The following KCTD8 variants were observed in gnomAD, a reference collection of about 807,000 sequenced individuals.
KCTD8 encodes BTB/POZ domain-containing protein KCTD8.
Under a neutral mutation model 31.5 loss-of-function variants are expected in KCTD8, and 27 were observed. The ratio of observed to expected loss-of-function variants is 0.86; its 90% confidence interval spans 0.63 to 1.18. The LOEUF (loss-of-function observed/expected upper bound fraction) is 1.18, where lower values mean the gene tolerates loss of function less well. KCTD8 is among the 50% of genes most tolerant of loss of function. The probability of loss-of-function intolerance (pLI) is 0.00; values close to 1 mark genes in which losing one functional copy is unlikely to be tolerated. For missense variants in KCTD8, 658 were observed against 647.7 expected, an observed-to-expected ratio of 1.02 and a Z score of -0.17; for synonymous variants, 290 against 280.0, an observed-to-expected ratio of 1.04 and a Z score of -0.36.
intron 1 of KCTD8, among the ~76,000 whole-genome samples, chr4:44,393,492 C>A: frequency 6.7e-6 from 1 of 148,198 alleles, no homozygotes; most frequent in Admixed American, 6.8e-5. Flanking sequence ...ATTATATTTC[C>A]AAACAGAACA....
chr4:44,446,078 G>A (rs372828306), intron 1 of KCTD8, among the ~76,000 whole-genome samples: 10 of 152,230 alleles, frequency 6.6e-5, no homozygotes, highest in East Asian at 3.9e-4. Flanking sequence ...TGTTGAAACC[G>A]TTGTCTCAAG....
chr4:44,299,192 G>C (rs1717531674), intron 1 of KCTD8, among the ~76,000 whole-genome samples: 1 of 152,032 alleles, frequency 6.6e-6, no homozygotes, highest in Non-Finnish European at 1.5e-5. Context: ...TCACCCAAAG[G>C]TAAGCATTGC....
chr4:44,206,468 A>T (rs1714309795), intron 1 of KCTD8, among the ~76,000 whole-genome samples: 1 of 152,124 alleles, frequency 6.6e-6, no homozygotes, highest in Non-Finnish European at 1.5e-5. Flanking sequence ...GCTTTTGCTC[A>T]TTAAATATGT....
intron 1 of KCTD8, among the ~76,000 whole-genome samples, chr4:44,330,605 T>G (rs2109412087): frequency 6.6e-6 from 1 of 152,074 alleles, no homozygotes; most frequent in Non-Finnish European, 1.5e-5. Context: ...CAAAGAGACC[T>G]GGTAATAAAT....
At chr4:44,390,116 T>G (rs1720330439) in intron 1 of KCTD8, among the ~76,000 whole-genome samples, 1 of 152,088 alleles carries the variant, frequency 6.6e-6, no homozygotes. Context: ...GTTTATTTTG[T>G]TGTGCAGAAG....
chr4:44,379,238 C>A (rs1297133952), intron 1 of KCTD8, among the ~76,000 whole-genome samples: 4 of 151,954 alleles, frequency 2.6e-5, no homozygotes, highest in Non-Finnish European at 5.9e-5. Flanking sequence ...ATCCAGGGGG[C>A]AATTGTTTTT....
chr4:44,198,995 G>A (rs1714035117), intron 1 of KCTD8, among the ~76,000 whole-genome samples: 1 of 152,054 alleles, frequency 6.6e-6, no homozygotes, highest in Non-Finnish European at 1.5e-5. Flanking sequence ...AGCAGGAGTT[G>A]CTCATCTTAT....
chr4:44,237,766 T>A (rs576801311), intron 1 of KCTD8, among the ~76,000 whole-genome samples: 1 of 152,272 alleles, frequency 6.6e-6, no homozygotes, highest in Admixed American at 6.5e-5. Context: ...TTGTAACAAC[T>A]TTAATCTGCC....
chr4:44,191,786 C>T (rs764707680), intron 1 of KCTD8, among the ~76,000 whole-genome samples: 8 of 152,154 alleles, frequency 5.3e-5, no homozygotes, highest in Non-Finnish European at 1.2e-4. Context: ...CACAGCTGAA[C>T]GTAGACCCTC....
chr4:44,263,835 C>T (rs1006003499), intron 1 of KCTD8, among the ~76,000 whole-genome samples: 3 of 152,170 alleles, frequency 2.0e-5, no homozygotes, highest in African/African-American at 7.2e-5. Context: ...GGCAGCTGTA[C>T]TCTTTCCTTA....
At chr4:44,279,505 T>A (rs1366818443) in intron 1 of KCTD8, among the ~76,000 whole-genome samples, 1 of 152,094 alleles carries the variant, frequency 6.6e-6, no homozygotes, top group African/African-American at 2.4e-5. Flanking sequence ...CTTAAGTGCT[T>A]ATATGATTAC....
At chr4:44,387,177 G>A (rs544214672) in intron 1 of KCTD8, among the ~76,000 whole-genome samples, 2 of 151,836 alleles carry the variant, frequency 1.3e-5, no homozygotes, top group East Asian at 1.9e-4. Flanking sequence ...GGAGGTGAAA[G>A]ATCTCTACAA....
intron 1 of KCTD8, among the ~76,000 whole-genome samples, chr4:44,246,967 C>G (rs1715685901): frequency 6.6e-6 from 1 of 151,928 alleles, no homozygotes; most frequent in South Asian, 2.1e-4. Flanking sequence ...GATTGTGTCA[C>G]ATTGTTTTGT....
At chr4:44,395,667 C>T (rs964765177) in intron 1 of KCTD8, among the ~76,000 whole-genome samples, 1 of 152,074 alleles carries the variant, frequency 6.6e-6, no homozygotes, top group Non-Finnish European at 1.5e-5. Context: ...CCCACAGTCC[C>T]CTTTCTTGAG....
intron 1 of KCTD8, among the ~76,000 whole-genome samples, chr4:44,398,015 C>T (rs976879784): frequency 5.3e-5 from 8 of 152,056 alleles, no homozygotes; most frequent in African/African-American, 9.7e-5. Context: ...ACTCACTGCA[C>T]AGTCATGTTC....
chr4:44,314,186 T>C (rs1187153278), intron 1 of KCTD8, among the ~76,000 whole-genome samples: 1 of 152,192 alleles, frequency 6.6e-6, no homozygotes, highest in African/African-American at 2.4e-5. Context: ...GATGGAGACT[T>C]CATTCATAAG....
Position 44,283,031 on chromosome 4 carries a change from A to AT in KCTD8, c.962-107782dup, listed in dbSNP as rs1180080759. On this transcript the variant is annotated intron_variant, in intron 1 of 1. Coordinates refer to ENST00000360029, the MANE Select transcript of KCTD8 (RefSeq NM_198353.3). ...GGCTACAAAAACAACACATTTTATT[A>AT]TTATTATTATTATTATTATTATTAT... Among the ~76,000 whole-genome samples the AT allele has an allele frequency of 8.0e-5, 4 of 49,726 alleles. No homozygotes were observed. The Admixed American group carries it at 1.0e-3, about 12-fold the overall frequency. 32.6% of individuals were successfully genotyped at this position (49,726 alleles called of 152,430 possible). A position where few individuals can be genotyped will look rare whatever the true frequency, so the allele number is the denominator to read the frequency against.
chr4:44,244,072 G>C lies in KCTD8; in HGVS notation c.962-68822C>G, dbSNP rs192790790. On this transcript the variant is annotated intron_variant, in intron 1 of 1. Transcript: ENST00000360029. Reference sequence around the variant, plus strand: ...ATACAAAATGTCCACACAATATTGTGACATTCTTATACTACAGATCATTCC... The same window carrying C: ...ATACAAAATGTCCACACAATATTGTCACATTCTTATACTACAGATCATTCC... 7.9e-5 allele frequency among the ~76,000 whole-genome samples: 12 copies of C among 152,248 alleles called. No individual in the cohort carries two copies. In the East Asian group the frequency reaches 2.3e-3, roughly 29 times the overall value.
intron 1 of KCTD8, among the ~76,000 whole-genome samples, chr4:44,305,895 T>C (rs1717787122): frequency 1.3e-5 from 2 of 151,908 alleles, no homozygotes; most frequent in South Asian, 4.1e-4. Flanking sequence ...GGAGGATTCA[T>C]ATTGGTAATT....
Sources: gnomAD v4.1 joint callset for allele counts (sites outside exome capture counted in the v4.1 genomes callset) on GRCh38, gnomAD v4.1.1 for gene constraint, MANE v1.5 for transcripts, NCBI Gene and HGNC (gene_info 2026-07-23, HGNC 2026-07-21) for gene names.